AMPD3: variants seen among roughly 807,000 people sequenced by gnomAD.
The protein encoded by AMPD3 is AMP deaminase 3.
Under a neutral mutation model 82.3 loss-of-function variants are expected in AMPD3, and 57 were observed. The ratio of observed to expected loss-of-function variants is 0.69; its 90% confidence interval spans 0.56 to 0.86. The LOEUF is 0.86. Among genes scored for constraint, AMPD3 ranks in the 40% least tolerant of loss-of-function variants. AMPD3 has a pLI of 0.00. For missense variants in AMPD3, 870 were observed against 1,003.8 expected (o/e 0.87, Z 1.80); for synonymous variants, 381 against 394.7 (o/e 0.97, Z 0.41).
At chr11:10,466,625 A>G (rs143253204) in intron 2 of AMPD3, among the ~76,000 whole-genome samples, 2 of 152,188 alleles carry the variant, frequency 1.3e-5, no homozygotes, top group African/African-American at 4.8e-5. Flanking sequence ...TTCAGCAGAC[A>G]TAAATGTCCC....
In AMPD3 at chr11:10,455,457, G is replaced by C. The variant is rs985683149; in HGVS notation, c.-6+9G>C. The C allele has an allele frequency of 5.3e-5, 52 of 984,488 alleles. No homozygotes were observed. The highest frequency in any genetic ancestry group is 6.0e-5 in the Non-Finnish European group (50 of 829,220). 61.0% of individuals were successfully genotyped at this position (984,488 alleles called of 1,614,324 possible). A position where few individuals can be genotyped will look rare whatever the true frequency, so the allele number is the denominator to read the frequency against. ...GGGAGCAGTGAGCGGCTGTAAGCAG[G>C]GGAGGGTTTGGGGTGGGCTCCGGTG... is the stretch of plus-strand genomic sequence containing the variant. On this transcript the variant is annotated intron_variant, in intron 1 of 14. Coordinates refer to ENST00000396553, the MANE Select transcript of AMPD3 (RefSeq NM_001025389.2).
intron 2 of AMPD3, among the ~76,000 whole-genome samples, chr11:10,471,832 C>CT (rs1848600441): frequency 6.6e-6 from 1 of 152,218 alleles, no homozygotes; most frequent in African/African-American, 2.4e-5. Context: ...AATAGGAATG[C>CT]TTTTACACTG....
At chr11:10,504,408 GTGTGA>G (rs1009665042) in intron 13 of AMPD3, 136 bp from the exon 14 acceptor site, 2 of 1,035,146 alleles carry the variant, frequency 1.9e-6, no homozygotes, top group African/African-American at 1.6e-5. Context: ...GGCTTTGAAG[GTGTGA>G]TGTTTGATGA....
At chr11:10,453,148 C>G (rs1184774411), upstream of AMPD3, among the ~76,000 whole-genome samples, 1 of 152,182 alleles carries the variant, frequency 6.6e-6, no homozygotes, top group Non-Finnish European at 1.5e-5. Flanking sequence ...TGGGGTTTCC[C>G]CATGTTGGCC....
chr11:10,457,029 G>A (rs1748702645), intron 1 of AMPD3, among the ~76,000 whole-genome samples: 1 of 149,330 alleles, frequency 6.7e-6, no homozygotes, highest in Non-Finnish European at 1.5e-5. Flanking sequence ...CCAGGCTGGA[G>A]TACGGTGGTG....
At chr11:10,481,492 C>G in intron 3 of AMPD3, 1 of 985,410 alleles carries the variant, frequency 1.0e-6, no homozygotes, top group Non-Finnish European at 1.2e-6. Flanking sequence ...TCCAACGACC[C>G]TAACTCCTCC....
At chr11:10,493,621 G>A (rs763430639) in intron 7 of AMPD3, 78 bp downstream of exon 7, 2 of 1,519,648 alleles carry the variant, frequency 1.3e-6, no homozygotes, top group Admixed American at 3.7e-5. Context: ...AAGCCACCAT[G>A]ATTGTGCTTG....
At chr11:10,494,784 T>C in intron 7 of AMPD3, 115 bp from the exon 8 acceptor site, 8 of 1,583,660 alleles carry the variant, frequency 5.1e-6, no homozygotes, top group Non-Finnish European at 6.0e-6. Flanking sequence ...AGAATTGACA[T>C]AGAAGATGTC....
At chr11:10,473,528 G>A in intron 2 of AMPD3, 2 of 985,366 alleles carry the variant, frequency 2.0e-6, no homozygotes, top group Non-Finnish European at 1.2e-6. Flanking sequence ...GACAGAGGGT[G>A]GGGCTGTGAG....
intron 8 of AMPD3, 50 bp downstream of exon 8, chr11:10,495,080 C>T (rs1452435301): frequency 5.6e-6 from 9 of 1,613,654 alleles, no homozygotes; most frequent in Non-Finnish European, 7.6e-6. Context: ...CTCCCAACAT[C>T]TGCCTTCAGA....
rs1260556201 is a variant in AMPD3 at position 10,495,745 on chromosome 11, G to A, written c.1430+12G>A. On this transcript the variant is annotated intron_variant, in intron 9 of 14. Transcript: ENST00000396553. The stretch of plus-strand genomic sequence containing the variant: ...GTGCCCCGGATTTAGTAAGTGAGGT[G>A]GCCCGCTGTCTACCCTGTGCCCTAC... 1 of 1,613,926 alleles carries A rather than the reference G, an allele frequency of 6.2e-7. No individual in the cohort carries two copies. Among genetic ancestry groups the A allele is most frequent in the Non-Finnish European group, 8.5e-7 (1 of 1,179,986 alleles).
chr11:10,497,752 G>A (rs1280482789), intron 10 of AMPD3: 2 of 985,304 alleles, frequency 2.0e-6, no homozygotes, highest in African/African-American at 1.7e-5. Flanking sequence ...AGAGTCAGGG[G>A]CCTGCCTGGA....
rs558311739 is a variant in AMPD3 at position 10,484,863 on chromosome 11, G to A, written c.633G>A (p.Leu211=). 1 of 1,614,076 alleles carries A rather than the reference G, an allele frequency of 6.2e-7. No individual in the cohort carries two copies. Among genetic ancestry groups the A allele is most frequent in the South Asian group, 1.1e-5 (1 of 91,064 alleles). The part of the protein sequence containing the change: ...PPLPQEDPYC[L]DDAPPNLDYL... ...TGCCCCAGGAAGACCCCTACTGCCT[G>A]GATGATGCACCCCCCAACCTGGATT... The change falls in exon 5 of 15, where the codon CTG becomes CTA. Residue 211 remains leucine, a synonymous_variant. Coordinates refer to ENST00000396553, the MANE Select transcript of AMPD3 (RefSeq NM_001025389.2).
Position 10,496,896 on chromosome 11 carries a change from C to G in AMPD3, c.1515C>G (p.Ile505Met). 1 of 1,614,150 alleles carries G rather than the reference C, an allele frequency of 6.2e-7. No homozygotes were observed. Among genetic ancestry groups the G allele is most frequent in the Non-Finnish European group, 8.5e-7 (1 of 1,180,010 alleles). ...TCCTGCCCCTTTTCAAGGCCACTAT[C>G]AACCCCCAAGATCATCGAGAGCTTC... is the stretch of plus-strand genomic sequence containing the variant. ...NIFLPLFKAT[I>M]NPQDHRELHL... The change falls in exon 10 of 15, where the codon ATC (isoleucine) becomes ATG (methionine). Residue 505 changes from isoleucine to methionine, a missense_variant. Physicochemically the swap from Ile to Met is conservative, Grantham distance 10. Coordinates refer to ENST00000396553, the MANE Select transcript of AMPD3 (RefSeq NM_001025389.2).
At chr11:10,459,833 C>T (rs1283517989) in intron 1 of AMPD3, among the ~76,000 whole-genome samples, 1 of 151,676 alleles carries the variant, frequency 6.6e-6, no homozygotes, top group African/African-American at 2.4e-5. Flanking sequence ...GGTTCAGATC[C>T]CTGAGCTGAG....
At position 10,494,893 on chromosome 11, in the gene AMPD3, C is replaced by G. The variant is rs180912663; in HGVS notation, c.1135-6C>G. ...ATGCGTTGATTGGTGTGGTCTCCCCCCTCAGGGCCGGCAGACATTCCACCG... is the reference window on the plus strand; with the variant it reads ...ATGCGTTGATTGGTGTGGTCTCCCCGCTCAGGGCCGGCAGACATTCCACCG... On this transcript the variant is annotated splice_region_variant and splice_polypyrimidine_tract_variant and intron_variant, in intron 7 of 14. Coordinates refer to ENST00000396553, the MANE Select transcript of AMPD3 (RefSeq NM_001025389.2). 672 of 1,613,334 alleles carry G rather than the reference C, an allele frequency of 4.2e-4. No homozygotes were observed. The highest frequency in any genetic ancestry group is 5.7e-4 in the Admixed American group (34 of 60,022).
intron 1 of AMPD3, among the ~76,000 whole-genome samples, chr11:10,455,752 G>A (rs1406739828): frequency 1.3e-5 from 2 of 152,156 alleles, no homozygotes; most frequent in African/African-American, 2.4e-5. Flanking sequence ...GGAGGGGATG[G>A]AGGGGATTGT....
chr11:10,505,786 C>G lies in AMPD3; in HGVS notation c.2206C>G (p.Gln736Glu). ...TGATATTCGAAAGACAAATGTGGCT[C>G]AGATCCGGATGGCATTCCGATATGA... is the stretch of plus-strand genomic sequence containing the variant. ...GNDIRKTNVAQIRMAFRYETL... is the reference protein window; with the variant it reads ...GNDIRKTNVAEIRMAFRYETL... Residue 736 changes from glutamine to glutamate, a missense_variant, in exon 15 of 15, where the codon CAG becomes GAG. By Grantham distance (29) the Gln-to-Glu change is conservative (BLOSUM62 2). Coordinates refer to ENST00000396553, the MANE Select transcript of AMPD3 (RefSeq NM_001025389.2). 6.2e-7 allele frequency: 1 copy of G among 1,614,186 alleles called. No individual in the cohort carries two copies.
intron 2 of AMPD3, among the ~76,000 whole-genome samples, chr11:10,470,915 C>T (rs1848571226): frequency 6.6e-6 from 1 of 152,048 alleles, no homozygotes; most frequent in South Asian, 2.1e-4. Context: ...CAGTGCTATC[C>T]CCATCAAGCT....
Sources: gnomAD v4.1 joint callset for allele counts (sites outside exome capture counted in the v4.1 genomes callset) on GRCh38, gnomAD v4.1.1 for gene constraint, MANE v1.5 for transcripts, NCBI Gene and HGNC (gene_info 2026-07-23, HGNC 2026-07-21) for gene names.